Variants in PTPRD observed in about 807,000 individuals in gnomAD.
The protein encoded by PTPRD is receptor-type tyrosine-protein phosphatase delta.
In PTPRD, 34 loss-of-function variants were observed where a neutral mutation model predicts 214.5. That is an observed-to-expected ratio of 0.16 (90% CI 0.12 to 0.21). The LOEUF (loss-of-function observed/expected upper bound fraction) is 0.21, where lower values mean the gene tolerates loss of function less well. Ranked by LOEUF, PTPRD falls within the 10% of genes least tolerant of loss-of-function variation. PTPRD has a pLI of 1.00. For synonymous variants in PTPRD, 1,128 were observed against 845.7 expected (o/e 1.33, Z -5.79); for missense variants, 2,545 against 2,398.7 (o/e 1.06, Z -1.27).
chr9:10,249,746 A>G (rs1033705174), intron 3 of PTPRD, among the ~76,000 whole-genome samples: 2 of 152,200 alleles, frequency 1.3e-5, no homozygotes, highest in African/African-American at 4.8e-5. Context: ...CCATAAATGC[A>G]GTTGTCTTGC....
At chr9:8,843,978 A>T (rs961322741) in intron 11 of PTPRD, among the ~76,000 whole-genome samples, 4 of 152,152 alleles carry the variant, frequency 2.6e-5, no homozygotes, top group Non-Finnish European at 5.9e-5. Flanking sequence ...TCTAATTGGT[A>T]TCTGAAAAAT....
intron 4 of PTPRD, among the ~76,000 whole-genome samples, chr9:9,978,317 T>G (rs952645216): frequency 1.3e-5 from 2 of 151,964 alleles, no homozygotes; most frequent in Admixed American, 1.3e-4. Flanking sequence ...GTGGAGAACA[T>G]AGATTAAAAG....
intron 11 of PTPRD, among the ~76,000 whole-genome samples, chr9:8,778,120 CTACTTTT>C (rs1306064471): frequency 6.6e-6 from 1 of 152,120 alleles, no homozygotes; most frequent in African/African-American, 2.4e-5. Flanking sequence ...AAGGTTCATG[CTACTTTT>C]TACTGTTTAG....
chr9:10,088,380 T>TATTGGG (rs1421902971), intron 3 of PTPRD, among the ~76,000 whole-genome samples: 1 of 151,756 alleles, frequency 6.6e-6, no homozygotes, highest in Non-Finnish European at 1.5e-5. Context: ...AAGACTTTCA[T>TATTGGG]GTCTATGGAC....
Position 10,492,253 on chromosome 9 carries a change from G to A in PTPRD, c.-600+120145C>T, listed in dbSNP as rs1237964825. On this transcript the variant is annotated intron_variant, in intron 2 of 45. Transcript: ENST00000381196. ...AGTAATGGGATGGCTGGGTCAAATG[G>A]TATTACTGGTTCTAGATCCTTAAGA... is the stretch of plus-strand genomic sequence containing the variant. Among the ~76,000 whole-genome samples the A allele has an allele frequency of 2.0e-5, 3 of 152,088 alleles. No homozygotes were observed. In the East Asian group the frequency reaches 5.8e-4, roughly 29 times the overall value.
At position 8,500,870 on chromosome 9, in the gene PTPRD, T is replaced by G; in HGVS notation, c.2012A>C (p.Lys671Thr). 6 of 1,614,112 alleles carry G rather than the reference T, an allele frequency of 3.7e-6. No individual in the cohort carries two copies. Among genetic ancestry groups the G allele is most frequent in the Non-Finnish European group, 5.1e-6 (6 of 1,180,002 alleles). ...EILGIPSDTT[K>T]YLLEQLEKWT... is the part of the protein sequence containing the mutation. ...TTTTTCCAGCTGTTCCAAAAGGTATTTGGTAGTGTCCGAAGGAATTCCCAA... is the reference window on the plus strand; with the variant it reads ...TTTTTCCAGCTGTTCCAAAAGGTATGTGGTAGTGTCCGAAGGAATTCCCAA... The change falls in exon 24 of 46, where the codon AAA becomes ACA. Residue 671 changes from lysine (K) to threonine (T), a missense_variant. Transcript: ENST00000381196.
intron 11 of PTPRD, among the ~76,000 whole-genome samples, chr9:8,921,503 T>C (rs1478938390): frequency 6.6e-6 from 1 of 152,032 alleles, no homozygotes; most frequent in Non-Finnish European, 1.5e-5. Context: ...CATTTTTTTT[T>C]TCTTTTTTGA....
intron 5 of PTPRD, among the ~76,000 whole-genome samples, chr9:9,785,805 T>A (rs7874425): frequency 0.47 from 70,962 of 151,884 alleles, 17,473 homozygotes; most frequent in Middle Eastern, 0.61. Flanking sequence ...TGTCAGTTGT[T>A]AACATTAGGG....
chr9:8,829,891 A>C (rs891207366), intron 11 of PTPRD, among the ~76,000 whole-genome samples: 6 of 152,222 alleles, frequency 3.9e-5, no homozygotes, highest in Non-Finnish European at 8.8e-5. Context: ...ATGAAGATTA[A>C]ATGCTATTAC....
chr9:8,806,658 T>A (rs1368962753), intron 11 of PTPRD, among the ~76,000 whole-genome samples: 10 of 152,346 alleles, frequency 6.6e-5, no homozygotes, highest in African/African-American at 1.9e-4. Context: ...ATTTCATACC[T>A]TGGCTGGCTT....
intron 7 of PTPRD, among the ~76,000 whole-genome samples, chr9:9,701,496 G>C (rs1199012296): frequency 1.3e-5 from 2 of 152,142 alleles, no homozygotes; most frequent in Admixed American, 1.3e-4. Flanking sequence ...AAATTTCACA[G>C]TCAAATTAGC....
intron 3 of PTPRD, among the ~76,000 whole-genome samples, chr9:10,183,283 A>C (rs1316490439): frequency 6.6e-6 from 1 of 152,164 alleles, no homozygotes; most frequent in African/African-American, 2.4e-5. Flanking sequence ...GATTGGGAAC[A>C]AGGCAGGAGA....
intron 12 of PTPRD, among the ~76,000 whole-genome samples, chr9:8,694,992 T>C (rs1020184869): frequency 2.6e-5 from 4 of 152,196 alleles, no homozygotes; most frequent in African/African-American, 7.2e-5. Flanking sequence ...AAGGACATCA[T>C]TCTGTCACAT....
intron 3 of PTPRD, among the ~76,000 whole-genome samples, chr9:10,061,630 C>T (rs1192256307): frequency 1.3e-5 from 2 of 151,966 alleles, no homozygotes; most frequent in African/African-American, 4.8e-5. Context: ...AAAGCTGCCA[C>T]TATTTCTAAT....
chr9:9,352,372 T>TAC (rs1491152752), intron 9 of PTPRD, among the ~76,000 whole-genome samples: 1 of 55,142 alleles, frequency 1.8e-5, no homozygotes, highest in Non-Finnish European at 7.4e-5. Flanking sequence ...TGTGTGTGTG[T>TAC]ATATATATAT....
intron 5 of PTPRD, among the ~76,000 whole-genome samples, chr9:9,821,717 T>C (rs867797734): frequency 1.2e-4 from 18 of 152,032 alleles, no homozygotes; most frequent in Admixed American, 5.3e-4. Context: ...AATAGGTTAC[T>C]ATTATTATTC....
At chr9:9,246,537 C>T (rs1465811150) in intron 9 of PTPRD, among the ~76,000 whole-genome samples, 1 of 152,092 alleles carries the variant, frequency 6.6e-6, no homozygotes, top group Non-Finnish European at 1.5e-5. Context: ...ATCTAGAAAT[C>T]TTCTCAACTG....
At chr9:10,462,111 G>C (rs1042274492) in intron 2 of PTPRD, among the ~76,000 whole-genome samples, 1 of 152,068 alleles carries the variant, frequency 6.6e-6, no homozygotes, top group Non-Finnish European at 1.5e-5. Context: ...ATGATAGTTA[G>C]CGTATTATAT....
chr9:10,595,492 T>A (rs753722686), intron 2 of PTPRD, among the ~76,000 whole-genome samples: 5 of 151,642 alleles, frequency 3.3e-5, no homozygotes, highest in East Asian at 1.9e-4. Flanking sequence ...TTCTTCTCGG[T>A]TGGTACACCA....
Sources: gnomAD v4.1 joint callset for allele counts (sites outside exome capture counted in the v4.1 genomes callset) on GRCh38, gnomAD v4.1.1 for gene constraint, MANE v1.5 for transcripts, NCBI Gene and HGNC (gene_info 2026-07-23, HGNC 2026-07-21) for gene names.